CCNYL1: variants seen among roughly 807,000 people sequenced by gnomAD.
CCNYL1 encodes the protein cyclin Y like 1.
In CCNYL1, 16 loss-of-function variants were observed where a neutral mutation model predicts 44.2. The observed-to-expected ratio is 0.36, with a 90% CI of 0.25 to 0.55. The LOEUF (loss-of-function observed/expected upper bound fraction) is 0.55, where lower values mean the gene tolerates loss of function less well. CCNYL1 is among the 20% of genes least tolerant of loss of function. CCNYL1 has a pLI of 0.85. For synonymous variants in CCNYL1, 159 were observed against 163.2 expected, an observed-to-expected ratio of 0.97 and a Z score of 0.20; for missense variants, 348 against 451.8, an observed-to-expected ratio of 0.77 and a Z score of 2.08.
chr2:207,745,953 A>G (rs1008564489), intron 7 of CCNYL1, among the ~76,000 whole-genome samples: 9 of 152,264 alleles, frequency 5.9e-5, no homozygotes, highest in Admixed American at 6.5e-5. Context: ...GAGTTCAAAC[A>G]GCATATAGAC....
intron 5 of CCNYL1, among the ~76,000 whole-genome samples, chr2:207,738,185 T>A (rs920197163): frequency 6.6e-6 from 1 of 152,050 alleles, no homozygotes; most frequent in Non-Finnish European, 1.5e-5. Context: ...TTTAAAGCTT[T>A]CAGATGGTTG....
At chr2:207,746,441 A>G (rs569909210) in intron 7 of CCNYL1, among the ~76,000 whole-genome samples, 1 of 152,194 alleles carries the variant, frequency 6.6e-6, no homozygotes, top group African/African-American at 2.4e-5. Flanking sequence ...GAACAACTCT[A>G]TTATGGGTGT....
At chr2:207,714,437 C>G (rs530459169) in intron 1 of CCNYL1, 1 of 384,978 alleles carries the variant, frequency 2.6e-6, no homozygotes, top group Admixed American at 3.7e-5. Context: ...GCTGGGACCA[C>G]GGGCGTGTGC....
chr2:207,712,232 G>C, intron 1 of CCNYL1, 116 bp downstream of exon 1: 1 of 810,436 alleles, frequency 1.2e-6, no homozygotes. Context: ...AGCCGGCCCC[G>C]GGACGAAGGC....
intron 4 of CCNYL1, among the ~76,000 whole-genome samples, chr2:207,736,955 G>A (rs932920385): frequency 2.0e-5 from 3 of 148,846 alleles, no homozygotes; most frequent in Non-Finnish European, 3.0e-5. Flanking sequence ...TCGCTCTGTC[G>A]CCCAGGCTGG....
chr2:207,730,471 G>T (rs568093041), intron 3 of CCNYL1, among the ~76,000 whole-genome samples: 54 of 152,264 alleles, frequency 3.5e-4, no homozygotes, highest in African/African-American at 1.2e-3. Context: ...AAAGTCATCT[G>T]CTGTGGCCGG....
chr2:207,750,802 C>T (rs191515621), intron 8 of CCNYL1, 155 bp from the exon 9 acceptor site: 1 of 629,504 alleles, frequency 1.6e-6, no homozygotes, highest in Admixed American at 3.1e-5. Context: ...AGTAACTGTA[C>T]CTTATGTGAA....
Position 207,711,998 on chromosome 2 carries a change from G to C in CCNYL1, c.102G>C (p.Glu34Asp), listed in dbSNP as rs1229602277. 1 of 1,469,460 alleles carries C rather than the reference G, an allele frequency of 6.8e-7. No individual in the cohort carries two copies. Among genetic ancestry groups the C allele is most frequent in the African/African-American group, 1.5e-5 (1 of 68,406 alleles). The allele number at this position is 1,469,460 out of a possible 1,614,324, so 91.0% of individuals were successfully genotyped here. ...AELYCASDIY[E>D]AVSGDAVAVA... ...TGTACTGCGCGTCCGACATCTACGA[G>C]GCGGTGTCCGGGGACGCGGTGGCGG... The change falls in exon 1 of 10, where the codon GAG (glutamate) becomes GAC (aspartate). Residue 34 changes from glutamate to aspartate, a missense_variant. Transcript: ENST00000295414.
At chr2:207,726,334 C>T (rs1400862547) in intron 2 of CCNYL1, among the ~76,000 whole-genome samples, 2 of 152,088 alleles carry the variant, frequency 1.3e-5, no homozygotes, top group African/African-American at 4.8e-5. Context: ...TGTGTAAAGA[C>T]CCGTTTATTT....
At chr2:207,744,999 G>A (rs1481581559) in intron 7 of CCNYL1, among the ~76,000 whole-genome samples, 1 of 152,174 alleles carries the variant, frequency 6.6e-6, no homozygotes, top group East Asian at 1.9e-4. Flanking sequence ...GAAGACTTGG[G>A]GAGTGGAGCA....
Position 207,737,424 on chromosome 2 carries a change from A to G in CCNYL1, c.445A>G (p.Ile149Val), listed in dbSNP as rs370691492. The change falls in exon 5 of 10, where the codon ATA (isoleucine) becomes GTA (valine). Residue 149 changes from isoleucine (I) to valine (V), a missense_variant. This residue lies in a region of CCNYL1 where 209 missense variants were observed against 247.7 expected (regional missense o/e 0.84). Transcript: ENST00000295414. ...RTTVKCVTLAIYYHIKNRDAN... is the reference protein window; with the variant it reads ...RTTVKCVTLAVYYHIKNRDAN... ...TTCCCTTCACAGTGTGACCTTAGCA[A>G]TATATTACCACATAAAGAACAGGTG... The G allele has an allele frequency of 5.6e-6, 9 of 1,610,634 alleles. No homozygotes were observed. In the African/African-American group the frequency reaches 8.0e-5, roughly 14 times the overall value.
chr2:207,712,873 TG>T (rs1318804220), intron 1 of CCNYL1, among the ~76,000 whole-genome samples: 1 of 152,234 alleles, frequency 6.6e-6, no homozygotes, highest in African/African-American at 2.4e-5. Context: ...TGGAGTGCAG[TG>T]GCGCGATCTC....
intron 3 of CCNYL1, among the ~76,000 whole-genome samples, chr2:207,727,476 C>T (rs566158014): frequency 5.0e-4 from 76 of 152,304 alleles, no homozygotes; most frequent in Non-Finnish European, 1.0e-3. Context: ...CACTAGCTCA[C>T]ACAGCCAAAT....
intron 1 of CCNYL1, among the ~76,000 whole-genome samples, chr2:207,712,630 C>CT (rs972117651): frequency 6.6e-6 from 1 of 152,046 alleles, no homozygotes; most frequent in Non-Finnish European, 1.5e-5. Context: ...TTGAGGATTT[C>CT]TTATCTAGAC....
At position 207,756,045 on chromosome 2, in the gene CCNYL1, G is replaced by A. The variant is rs1351931760; in HGVS notation, c.*2347G>A. The A allele has an allele frequency of 6.6e-6, 1 of 152,112 alleles. No individual in the cohort carries two copies. The highest frequency in any genetic ancestry group is 2.4e-5 in the African/African-American group (1 of 41,424). 9.4% of individuals were successfully genotyped at this position (152,112 alleles called of 1,614,324 possible). ...CTACCACCTCAAAAAAACAAATATT[G>A]TTTATGGAATTCAGAGTTTGGAGAT... On this transcript the variant is annotated 3_prime_UTR_variant, in exon 10 of 10. Transcript: ENST00000295414.
At position 207,753,630 on chromosome 2, in the gene CCNYL1, G is replaced by T. The variant is rs528503126; in HGVS notation, c.1012G>T (p.Ala338Ser). The change falls in exon 10 of 10, where the codon GCT becomes TCT. Residue 338 changes from alanine (A) to serine (S), a missense_variant. Coordinates refer to ENST00000295414, the MANE Select transcript of CCNYL1 (RefSeq NM_001330218.2). ...TGAAGACAAAGACTTGTGTAGAGCC[G>T]CTATGAGAAGGTCTTTCAGTGCTGA... ...LCEDKDLCRA[A>S]MRRSFSADNF... 2 of 1,612,646 alleles carry T rather than the reference G, an allele frequency of 1.2e-6. No homozygotes were observed. Among genetic ancestry groups the T allele is most frequent in the Admixed American group, 1.7e-5 (1 of 59,924 alleles).
At chr2:207,719,555 C>T (rs1489716739) in intron 1 of CCNYL1, among the ~76,000 whole-genome samples, 2 of 152,266 alleles carry the variant, frequency 1.3e-5, no homozygotes, top group Non-Finnish European at 1.5e-5. Flanking sequence ...CCCACCTCAG[C>T]CTCCCAAAAT....
chr2:207,741,236 CAGTG>C (rs2091807245), intron 6 of CCNYL1, among the ~76,000 whole-genome samples: 1 of 150,492 alleles, frequency 6.6e-6, no homozygotes, highest in African/African-American at 2.5e-5. Flanking sequence ...GCCTGGGCGA[CAGTG>C]AGACTCCATC....
rs1334273371 is a variant in CCNYL1 at position 207,740,685 on chromosome 2, T to G, written c.498T>G (p.Asp166Glu). Residue 166 changes from aspartate to glutamate, a missense_variant, in exon 6 of 10, where the codon GAT becomes GAG. Transcript: ENST00000295414. ...RDANRSLDIF[D>E]ERSHPLTREK... ...CAAATAGATCCCTGGATATTTTTGATGAGAGATCACATCCACTTACAGTAA... is the reference window on the plus strand; with the variant it reads ...CAAATAGATCCCTGGATATTTTTGAGGAGAGATCACATCCACTTACAGTAA... 6 of 1,603,184 alleles carry G rather than the reference T, an allele frequency of 3.7e-6. No individual in the cohort carries two copies. Among genetic ancestry groups the G allele is most frequent in the Non-Finnish European group, 4.3e-6 (5 of 1,170,800 alleles).
Sources: allele counts gnomAD v4.1 joint callset (sites outside exome capture counted in the v4.1 genomes callset), GRCh38; gene constraint gnomAD v4.1.1; regional missense constraint gnomAD v4.1.1; transcripts MANE v1.5; gene names NCBI Gene and HGNC (gene_info 2026-07-23, HGNC 2026-07-21).